Variants in DYM observed in about 807,000 individuals in gnomAD.
DYM encodes the protein dymeclin, also known as dyggve-Melchior-Clausen syndrome protein.
In DYM, 78 loss-of-function variants were observed where a neutral mutation model predicts 93.1. That is an observed-to-expected ratio of 0.84 (90% CI 0.70 to 1.01). The LOEUF is 1.01. DYM is among the 50% of genes least tolerant of loss of function. The probability of loss-of-function intolerance (pLI) is 0.00; values close to 1 mark genes in which losing one functional copy is unlikely to be tolerated. For synonymous variants in DYM, 321 were observed against 319.7 expected (o/e 1.00, Z -0.04); for missense variants, 789 against 845.0 (o/e 0.93, Z 0.82).
intron 8 of DYM, among the ~76,000 whole-genome samples, chr18:49,295,661 T>C (rs1299137495): frequency 1.3e-5 from 2 of 152,194 alleles, no homozygotes; most frequent in Non-Finnish European, 2.9e-5. Context: ...CCTTCTCTCT[T>C]GTTTAAACTA....
chr18:49,105,371 T>C (rs1225585263), intron 16 of DYM, among the ~76,000 whole-genome samples: 1 of 152,186 alleles, frequency 6.6e-6, no homozygotes, highest in Admixed American at 6.5e-5. Flanking sequence ...CCTGGATTCA[T>C]TGATTTTTTG....
chr18:49,238,624 C>A (rs1006362914), intron 13 of DYM, among the ~76,000 whole-genome samples: 1 of 151,942 alleles, frequency 6.6e-6, no homozygotes, highest in Non-Finnish European at 1.5e-5. Flanking sequence ...AAGATGTTTT[C>A]TTTGGAAGTT....
chr18:49,131,077 A>G (rs1042592771), intron 15 of DYM, among the ~76,000 whole-genome samples: 1 of 152,246 alleles, frequency 6.6e-6, no homozygotes, highest in Non-Finnish European at 1.5e-5. Context: ...CGTAGCAGAT[A>G]AAGAGTGTTC....
intron 3 of DYM, among the ~76,000 whole-genome samples, chr18:49,388,913 CAAAAAAAA>C (rs59658815): frequency 4.6e-5 from 6 of 129,050 alleles, no homozygotes; most frequent in East Asian, 2.1e-4. Context: ...CATTTTCAGA[CAAAAAAAA>C]AAAAAAAGAA....
intron 10 of DYM, among the ~76,000 whole-genome samples, chr18:49,273,816 CTT>C (rs35929710): frequency 8.0e-5 from 11 of 137,252 alleles, no homozygotes; most frequent in Admixed American, 1.5e-4. Flanking sequence ...TATTTTATGC[CTT>C]TTTTTTTTTT....
chr18:49,257,683 T>TA (rs34323925), intron 12 of DYM, among the ~76,000 whole-genome samples: 94,136 of 146,020 alleles, frequency 0.64, 31,025 homozygotes, highest in Non-Finnish European at 0.74. Context: ...TTTGGCTATT[T>TA]AAAAAAAAAA....
At chr18:49,305,450 A>T (rs1178296424) in intron 8 of DYM, among the ~76,000 whole-genome samples, 1 of 152,156 alleles carries the variant, frequency 6.6e-6, no homozygotes, top group Non-Finnish European at 1.5e-5. Context: ...CCTAATCTTC[A>T]TGCTTAGCTG....
intron 1 of DYM, among the ~76,000 whole-genome samples, chr18:49,449,186 T>C (rs2082332427): frequency 1.3e-5 from 2 of 152,204 alleles, no homozygotes; most frequent in African/African-American, 4.8e-5. Flanking sequence ...GCCAATTTTC[T>C]GAAGACCCTG....
At position 49,447,094 on chromosome 18, in the gene DYM, C is replaced by T. The variant is rs369236807; in HGVS notation, c.-54+13304G>A. ...AAAAAAAATGTTAAGACCTAAAGGA[C>T]AAGAAGGGTTGGCCTGGGTGGATGT... On this transcript the variant is annotated intron_variant, in intron 1 of 17. Coordinates refer to ENST00000675505, the MANE Select transcript of DYM (RefSeq NM_001353214.3). Among the ~76,000 whole-genome samples the T allele has an allele frequency of 4.4e-4, 66 of 151,108 alleles. 1 individual carries two copies. Among genetic ancestry groups the T allele is most frequent in the African/African-American group, 1.6e-3 (65 of 41,206 alleles).
intron 11 of DYM, among the ~76,000 whole-genome samples, chr18:49,262,516 C>T (rs933654039): frequency 2.0e-5 from 3 of 152,076 alleles, no homozygotes; most frequent in Admixed American, 6.6e-5. Context: ...CTGGTTTGTT[C>T]GCATCTTACT....
chr18:49,388,408 G>C (rs2068843497), intron 3 of DYM, among the ~76,000 whole-genome samples: 1 of 151,902 alleles, frequency 6.6e-6, no homozygotes. Flanking sequence ...TTGAAGGTCA[G>C]AGAGAAAAAG....
At chr18:49,401,759 C>G (rs2070856603) in intron 2 of DYM, among the ~76,000 whole-genome samples, 1 of 152,170 alleles carries the variant, frequency 6.6e-6, no homozygotes, top group African/African-American at 2.4e-5. Flanking sequence ...GGTGCTGTGG[C>G]TCATGCCTGT....
chr18:49,072,781 G>A (rs116782893), intron 17 of DYM, among the ~76,000 whole-genome samples: 3 of 152,362 alleles, frequency 2.0e-5, no homozygotes, highest in Non-Finnish European at 2.9e-5. Flanking sequence ...GCAAATAGGA[G>A]AGCTGCCAGA....
At position 49,272,367 on chromosome 18, in the gene DYM, C is replaced by CT. The variant is rs112966809; in HGVS notation, c.1126-65dup. Reference sequence around the variant, plus strand: ...CATTATAAATCCAAATGTTTTAAATCTTTACACTTTCATTTTGTGCTCTTT... The same window carrying CT: ...CATTATAAATCCAAATGTTTTAAATCTTTTACACTTTCATTTTGTGCTCTTT... On this transcript the variant is annotated intron_variant, in intron 10 of 17. Transcript: ENST00000675505. 75 of 1,109,102 alleles carry CT rather than the reference C, an allele frequency of 6.8e-5. No homozygotes were observed. The African/African-American group carries it at 9.1e-4, about 13-fold the overall frequency. 68.7% of individuals were successfully genotyped at this position (1,109,102 alleles called of 1,614,324 possible). A position where few individuals can be genotyped will look rare whatever the true frequency, so the allele number is the denominator to read the frequency against.
At chr18:49,443,346 C>T (rs1297623500) in intron 1 of DYM, among the ~76,000 whole-genome samples, 1 of 152,042 alleles carries the variant, frequency 6.6e-6, no homozygotes, top group Non-Finnish European at 1.5e-5. Context: ...ATATTTGGTG[C>T]CCTCATCCCT....
chr18:49,286,538 G>C lies in DYM; in HGVS notation c.842C>G (p.Ala281Gly). 1 of 1,614,154 alleles carries C rather than the reference G, an allele frequency of 6.2e-7. No homozygotes were observed. Among genetic ancestry groups the C allele is most frequent in the Non-Finnish European group, 8.5e-7 (1 of 1,179,990 alleles). ...CAGCAGAAGCAGGAGACTCTGGTTG[G>C]CCAGAGGGGAAGAAAGCTCTGGAGA... is the stretch of plus-strand genomic sequence containing the variant. The part of the protein sequence containing the change: ...AASPELSSPL[A>G]NQSLLLLLVL... Residue 281 changes from alanine (A) to glycine (G), a missense_variant, in exon 9 of 18, where the codon GCC becomes GGC. By Grantham distance (60) the Ala-to-Gly change is moderately conservative (BLOSUM62 0). This residue lies in a region of DYM where 450 missense variants were observed against 436.2 expected (regional missense o/e 1.03). Transcript: ENST00000675505.
chr18:49,384,102 T>A (rs1370699514), intron 3 of DYM, among the ~76,000 whole-genome samples: 1 of 151,824 alleles, frequency 6.6e-6, no homozygotes, highest in East Asian at 1.9e-4. Context: ...GGTGAGAGAA[T>A]TGCTTGTGGC....
chr18:49,049,688 T>C (rs12456845), intron 17 of DYM: 16,031 of 154,420 alleles, frequency 0.1, 1,144 homozygotes, highest in East Asian at 0.26. Context: ...TAATGTTCTG[T>C]AATCAAACCT....
intron 11 of DYM, among the ~76,000 whole-genome samples, chr18:49,271,003 A>T (rs1427577579): frequency 2.0e-5 from 3 of 152,044 alleles, no homozygotes; most frequent in Non-Finnish European, 4.4e-5. Context: ...AGAGAAAGAG[A>T]CTATGTACAA....
Sources: gnomAD v4.1 joint callset for allele counts (sites outside exome capture counted in the v4.1 genomes callset) on GRCh38, gnomAD v4.1.1 for gene constraint, gnomAD v4.1.1 regional missense constraint, MANE v1.5 for transcripts, NCBI Gene and HGNC (gene_info 2026-07-23, HGNC 2026-07-21) for gene names.